Variants in EPG5 observed in about 807,000 individuals in gnomAD.
EPG5 encodes ectopic P granules protein 5 homolog.
A neutral mutation model predicts 302.7 loss-of-function variants in EPG5; 159 were observed. The ratio of observed to expected loss-of-function variants is 0.53; its 90% CI spans 0.46 to 0.60. The LOEUF (loss-of-function observed/expected upper bound fraction) is 0.60. EPG5 is among the 20% of genes least tolerant of loss of function. EPG5 has a pLI of 0.00. For missense variants in EPG5, 2,896 were observed against 3,092.4 expected, an observed-to-expected ratio of 0.94 and a Z score of 1.51; for synonymous variants, 1,158 against 1,136.8, an observed-to-expected ratio of 1.02 and a Z score of -0.37.
chr18:45,909,645 AC>A (rs1055470316), intron 23 of EPG5, among the ~76,000 whole-genome samples: 1 of 152,200 alleles, frequency 6.6e-6, no homozygotes, highest in African/African-American at 2.4e-5. Context: ...AGAGTTCTTA[AC>A]CTTTTAGAGG....
intron 6 of EPG5, among the ~76,000 whole-genome samples, chr18:45,947,975 G>C (rs891838520): frequency 3.4e-4 from 52 of 151,766 alleles, no homozygotes; most frequent in Middle Eastern, 3.2e-3. Flanking sequence ...GAGTTTCACC[G>C]TGTTGGCCAG....
chr18:45,900,963 G>A lies in EPG5; in HGVS notation c.4646+33C>T, dbSNP rs753924386. 9 of 1,579,212 alleles carry A rather than the reference G, an allele frequency of 5.7e-6. 1 individual carries two copies. Reference sequence around the variant, plus strand: ...TCCAGGCTGTCAAAGCCACCAACATGGGAACATGATCCGTGAGGCTGCATG... The same window carrying A: ...TCCAGGCTGTCAAAGCCACCAACATAGGAACATGATCCGTGAGGCTGCATG... On this transcript the variant is annotated intron_variant, in intron 26 of 43. Coordinates refer to ENST00000282041, the MANE Select transcript of EPG5 (RefSeq NM_020964.3).
chr18:45,951,427 A>G (rs2050906884), intron 3 of EPG5, among the ~76,000 whole-genome samples, 189 bp from the exon 4 acceptor site: 1 of 151,860 alleles, frequency 6.6e-6, no homozygotes, highest in South Asian at 2.1e-4. Context: ...ACTTTGAAGT[A>G]TTTCAAAATA....
chr18:45,838,823 G>T, the EPG5 span: 2 of 1,561,552 alleles, frequency 1.3e-6, no homozygotes, highest in Non-Finnish European at 1.7e-6. Context: ...GCCTGGTCCG[G>T]CCCGGCCCTG....
Position 45,867,565 on chromosome 18 carries a change from T to C in EPG5, c.6409A>G (p.Thr2137Ala). The C allele has an allele frequency of 1.2e-6, 2 of 1,613,278 alleles. No homozygotes were observed. The highest frequency in any genetic ancestry group is 1.7e-6 in the Non-Finnish European group (2 of 1,179,502). The change falls in exon 37 of 44, where the codon ACA (threonine) becomes GCA (alanine). Residue 2137 changes from threonine (T) to alanine (A), a missense_variant and splice_region_variant. Thr to Ala is a moderately conservative substitution (Grantham distance 58, BLOSUM62 0). Transcript: ENST00000282041. ...TGCCATAAGCTTCCCAAACTTACTG[T>C]TTGGTCTACCAGTTGAACTTCCTTT... ...LAKEVQLVDQ[T>A]DSPLLSLLGQ...
rs531652774 is a variant in EPG5 at position 45,892,979 on chromosome 18, AATACTATT to A, written c.4810-3047_4810-3040del. On this transcript the variant is annotated intron_variant, in intron 27 of 43. Transcript: ENST00000282041. ...TCTCTAATCACTGAAAAAAGAAGGC[AATACTATT>A]ATACAGACTCAGAGAGAAAATGAAA... Among the ~76,000 whole-genome samples, 674 of 152,358 alleles carry A rather than the reference AATACTATT, an allele frequency of 4.4e-3. 6 individuals carry two copies. Among genetic ancestry groups the A allele is most frequent in the African/African-American group, 0.015 (637 of 41,588 alleles).
In EPG5 at chr18:45,899,384, G is replaced by A; in HGVS notation, c.4809+20C>T. ...ACTCAATTAAAATTCTCTCAGTTCT[G>A]AAGAAATTTAAACACTTACCTGAAC... is the stretch of plus-strand genomic sequence containing the variant. On this transcript the variant is annotated intron_variant, in intron 27 of 43. Coordinates refer to ENST00000282041, the MANE Select transcript of EPG5 (RefSeq NM_020964.3). 1 of 1,613,490 alleles carries A rather than the reference G, an allele frequency of 6.2e-7. No homozygotes were observed. Among genetic ancestry groups the A allele is most frequent in the Non-Finnish European group, 8.5e-7 (1 of 1,179,534 alleles).
chr18:45,866,801 A>G lies in EPG5; in HGVS notation c.6618T>C (p.His2206=). The G allele has an allele frequency of 6.2e-7, 1 of 1,612,114 alleles. No homozygotes were observed. The highest frequency in any genetic ancestry group is 1.3e-5 in the African/African-American group (1 of 75,016). ...TTTAAACTACCTCTCAACTTACAAGATGCTTCTGGCTGTCAGTAGGAATAG... is the reference window on the plus strand; with the variant it reads ...TTTAAACTACCTCTCAACTTACAAGGTGCTTCTGGCTGTCAGTAGGAATAG... ...GLSIPTDSQK[H]LDAVPKCQAF... The change falls in exon 38 of 44, where the codon CAT becomes CAC. Residue 2206 remains histidine (H), a synonymous_variant. Transcript: ENST00000282041.
At chr18:45,959,234 G>A (rs1469339725) in intron 1 of EPG5, among the ~76,000 whole-genome samples, 3 of 152,038 alleles carry the variant, frequency 2.0e-5, no homozygotes, top group Non-Finnish European at 2.9e-5. Flanking sequence ...CCAGCTACTC[G>A]CGAGGCTGAG....
At chr18:45,889,407 A>T (rs1216539405) in intron 28 of EPG5, among the ~76,000 whole-genome samples, 1 of 152,210 alleles carries the variant, frequency 6.6e-6, no homozygotes, top group Non-Finnish European at 1.5e-5. Flanking sequence ...GGTAAATGTG[A>T]CTTTGATATA....
intron 11 of EPG5, among the ~76,000 whole-genome samples, chr18:45,933,218 C>A (rs2050436755): frequency 1.3e-5 from 2 of 152,128 alleles, no homozygotes; most frequent in Admixed American, 1.3e-4. Flanking sequence ...CTAATAGAAG[C>A]ACTGCCCCCA....
Position 45,967,250 on chromosome 18 carries a change from G to C in EPG5, c.-11C>G. On this transcript the variant is annotated 5_prime_UTR_variant, in exon 1 of 44. Coordinates refer to ENST00000282041, the MANE Select transcript of EPG5 (RefSeq NM_020964.3). ...CACCGCCTCGGCCATAGACCCTTCCGCGGCGCCGTCACCGTTTGTTTTTGT... is the reference window on the plus strand; with the variant it reads ...CACCGCCTCGGCCATAGACCCTTCCCCGGCGCCGTCACCGTTTGTTTTTGT... The C allele has an allele frequency of 1.3e-6, 2 of 1,585,842 alleles. No homozygotes were observed. The highest frequency in any genetic ancestry group is 8.6e-7 in the Non-Finnish European group (1 of 1,166,522).
At chr18:45,928,604 T>C (rs890523755) in intron 13 of EPG5, among the ~76,000 whole-genome samples, 1 of 152,202 alleles carries the variant, frequency 6.6e-6, no homozygotes, top group Non-Finnish European at 1.5e-5. Context: ...CTATAGGTCA[T>C]AAGTAAAGTA....
At chr18:45,932,136 A>G (rs901165754) in intron 11 of EPG5, among the ~76,000 whole-genome samples, 1 of 152,126 alleles carries the variant, frequency 6.6e-6, no homozygotes, top group East Asian at 1.9e-4. Context: ...AAGGATATTT[A>G]AAAAGAAAAA....
At chr18:45,888,870 T>C (rs2049274872) in intron 28 of EPG5, among the ~76,000 whole-genome samples, 1 of 152,260 alleles carries the variant, frequency 6.6e-6, no homozygotes. Context: ...GTTATTTAAC[T>C]TTTTGTATTC....
At chr18:45,884,903 G>A (rs1313534233) in intron 29 of EPG5, 92 bp from the exon 30 acceptor site, 26 of 846,352 alleles carry the variant, frequency 3.1e-5, no homozygotes, top group African/African-American at 5.4e-5. Flanking sequence ...CAAATAAGGT[G>A]AATAGAATTT....
chr18:45,896,151 A>G (rs1406702571), intron 27 of EPG5, among the ~76,000 whole-genome samples: 1 of 152,256 alleles, frequency 6.6e-6, no homozygotes, highest in Non-Finnish European at 1.5e-5. Flanking sequence ...CAACAACAGT[A>G]CTATATAACT....
the EPG5 span, among the ~76,000 whole-genome samples, chr18:45,801,829 G>A: frequency 8.7e-3 from 1,321 of 152,286 alleles, 13 homozygotes; most frequent in South Asian, 0.03. Context: ...GCTGGTAGGA[G>A]TTCAGATGGC....
At chr18:45,886,174 C>T (rs1311967894) in intron 29 of EPG5, among the ~76,000 whole-genome samples, 1 of 152,178 alleles carries the variant, frequency 6.6e-6, no homozygotes, top group East Asian at 1.9e-4. Flanking sequence ...GTATCAAATT[C>T]CTTTGACACA....
Sources: allele counts gnomAD v4.1 joint callset (sites outside exome capture counted in the v4.1 genomes callset), GRCh38; gene constraint gnomAD v4.1.1; transcripts MANE v1.5; gene names NCBI Gene and HGNC (gene_info 2026-07-23, HGNC 2026-07-21).